KLRG1: variants seen among roughly 807,000 people sequenced by gnomAD.
The protein encoded by KLRG1 is killer cell lectin like receptor G1.
In KLRG1, 16 loss-of-function variants were observed where a neutral mutation model predicts 21.8. The observed-to-expected ratio is 0.73, with a 90% CI of 0.50 to 1.11. KLRG1 has a LOEUF of 1.11. Ranked by LOEUF, KLRG1 falls within the 50% of genes most tolerant of loss-of-function variation. The probability of loss-of-function intolerance (pLI) is 0.00; values close to 1 mark genes in which losing one functional copy is unlikely to be tolerated. For synonymous variants in KLRG1, 69 were observed against 75.9 expected (o/e 0.91, Z 0.47); for missense variants, 173 against 218.3 (o/e 0.79, Z 1.31).
chr12:9,041,057 C>T, the KLRG1 span, among the ~76,000 whole-genome samples: 1 of 152,216 alleles, frequency 6.6e-6, no homozygotes, highest in Non-Finnish European at 1.5e-5. Flanking sequence ...ACTTTATTGC[C>T]AGGCGTGGTG....
At chr12:9,089,842 T>C in the KLRG1 span, 1 of 1,058,892 alleles carries the variant, frequency 9.4e-7, no homozygotes, top group Non-Finnish European at 1.3e-6. Context: ...CCATATATTA[T>C]TATATTACCC....
chr12:9,189,993 C>A, the KLRG1 span, among the ~76,000 whole-genome samples: 1 of 151,896 alleles, frequency 6.6e-6, no homozygotes, highest in African/African-American at 2.4e-5. Flanking sequence ...CAAAAAATAA[C>A]AGATGTTGGC....
the KLRG1 span, among the ~76,000 whole-genome samples, chr12:9,103,065 G>A: frequency 6.6e-6 from 1 of 151,856 alleles, no homozygotes; most frequent in South Asian, 2.1e-4. Flanking sequence ...AACTTATATT[G>A]GTATGAACAG....
the KLRG1 span, chr12:9,153,313 T>C: frequency 1.9e-6 from 3 of 1,613,970 alleles, no homozygotes; most frequent in East Asian, 2.2e-5. Flanking sequence ...GCTCCATACC[T>C]GGACAGGGCA....
At chr12:9,184,325 C>T in the KLRG1 span, among the ~76,000 whole-genome samples, 1 of 152,178 alleles carries the variant, frequency 6.6e-6, no homozygotes, top group Non-Finnish European at 1.5e-5. Context: ...CACAAACCCA[C>T]CCCTAGCCAT....
chr12:9,028,065 C>G, the KLRG1 span: 2 of 1,264,714 alleles, frequency 1.6e-6, no homozygotes, highest in Non-Finnish European at 1.1e-6. Flanking sequence ...TTTCTTGCCA[C>G]TGCCTTGGTC....
chr12:8,986,693 AT>A (rs1946846738), upstream of KLRG1, among the ~76,000 whole-genome samples: 1 of 151,980 alleles, frequency 6.6e-6, no homozygotes, highest in Admixed American at 6.6e-5. Context: ...AGAGCCCCTG[AT>A]TCCTATGTTG....
chr12:9,047,722 A>G, the KLRG1 span, among the ~76,000 whole-genome samples: 1 of 152,234 alleles, frequency 6.6e-6, no homozygotes, highest in Non-Finnish European at 1.5e-5. Context: ...ATGCCAAGTT[A>G]ACACTAATAA....
chr12:9,153,390 A>C, the KLRG1 span: 11 of 1,527,242 alleles, frequency 7.2e-6, no homozygotes, highest in African/African-American at 1.2e-4. Context: ...AATTTTTGGC[A>C]TCTGGGATTT....
At chr12:9,110,411 G>A in the KLRG1 span, 1 of 883,438 alleles carries the variant, frequency 1.1e-6, no homozygotes, top group Non-Finnish European at 1.7e-6. Flanking sequence ...AAAGCAGCTA[G>A]TATTTGCTAG....
At chr12:9,088,708 A>G in the KLRG1 span, among the ~76,000 whole-genome samples, 1 of 152,286 alleles carries the variant, frequency 6.6e-6, no homozygotes, top group Middle Eastern at 3.4e-3. Flanking sequence ...AATGTTTGAT[A>G]GGGCATTAGG....
upstream of KLRG1, among the ~76,000 whole-genome samples, chr12:8,984,682 G>T (rs12423765): frequency 0.1 from 15,161 of 152,154 alleles, 1,103 homozygotes; most frequent in Admixed American, 0.22. Context: ...TTTCTTCTAA[G>T]TCTTTGAACG....
the KLRG1 span, chr12:9,196,891 C>A: frequency 2.8e-3 from 2,384 of 845,998 alleles, 39 homozygotes; most frequent in African/African-American, 0.034. Context: ...AACAGAAATT[C>A]GTTTTTTGGT....
the KLRG1 span, among the ~76,000 whole-genome samples, chr12:9,063,241 G>T: frequency 6.6e-6 from 1 of 152,122 alleles, no homozygotes; most frequent in Admixed American, 6.5e-5. Context: ...TTACAGGGTA[G>T]ACTCAAATAT....
At chr12:9,181,866 T>G in the KLRG1 span, 22 of 1,242,908 alleles carry the variant, frequency 1.8e-5, no homozygotes, top group Non-Finnish European at 2.3e-5. Context: ...TTGGGAACTG[T>G]TGGGCAACTC....
chr12:9,126,013 G>C, the KLRG1 span, among the ~76,000 whole-genome samples: 1 of 152,138 alleles, frequency 6.6e-6, no homozygotes, highest in Non-Finnish European at 1.5e-5. Context: ...GATTACAGGC[G>C]TGAGCCACTG....
chr12:8,995,408 G>T (rs1278119483), intron 3 of KLRG1, 120 bp downstream of exon 3: 4 of 853,312 alleles, frequency 4.7e-6, no homozygotes, highest in East Asian at 2.8e-5. Context: ...TGTGATTTGG[G>T]GGGGATACTA....
chr12:9,186,408 T>C, the KLRG1 span, among the ~76,000 whole-genome samples: 1 of 152,094 alleles, frequency 6.6e-6, no homozygotes, highest in African/African-American at 2.4e-5. Context: ...ATCTCAATAT[T>C]AACCTCTAAT....
the KLRG1 span, among the ~76,000 whole-genome samples, chr12:9,122,883 G>T: frequency 5.3e-5 from 8 of 151,850 alleles, no homozygotes; most frequent in Non-Finnish European, 1.0e-4. Context: ...ATAAAGAAAA[G>T]GGTATAAAAA....
Sources: allele counts gnomAD v4.1 joint callset (sites outside exome capture counted in the v4.1 genomes callset), GRCh38; gene constraint gnomAD v4.1.1; transcripts MANE v1.5; gene names NCBI Gene and HGNC (gene_info 2026-07-23, HGNC 2026-07-21).